Variants in UGGT2 observed in about 807,000 individuals in gnomAD.
The protein encoded by UGGT2 is UDP-glucose glycoprotein glucosyltransferase 2.
UGGT2 carries 180 observed loss-of-function variants against 192.1 expected under a neutral mutation model. That is an observed-to-expected ratio of 0.94 (90% confidence interval 0.83 to 1.06). The LOEUF (loss-of-function observed/expected upper bound fraction) is 1.06. Ranked by LOEUF, UGGT2 falls within the 50% of genes least tolerant of loss-of-function variation. UGGT2 has a pLI of 0.00. For synonymous variants in UGGT2, 580 were observed against 591.0 expected (o/e 0.98, Z 0.27); for missense variants, 1,849 against 1,795.7 (o/e 1.03, Z -0.54).
chr13:95,882,752 A>T (rs945723351), intron 27 of UGGT2, among the ~76,000 whole-genome samples: 1 of 152,234 alleles, frequency 6.6e-6, no homozygotes, highest in East Asian at 1.9e-4. Flanking sequence ...AGTTTTAGTT[A>T]ATCTCCATCA....
intron 1 of UGGT2, among the ~76,000 whole-genome samples, chr13:96,038,689 G>A (rs1457212084): frequency 1.3e-5 from 2 of 152,130 alleles, no homozygotes; most frequent in African/African-American, 4.8e-5. Context: ...TAATGCAAAA[G>A]ATTCTAAAAG....
intron 30 of UGGT2, among the ~76,000 whole-genome samples, chr13:95,865,190 C>T (rs1159577360): frequency 1.3e-5 from 2 of 152,152 alleles, no homozygotes; most frequent in African/African-American, 2.4e-5. Flanking sequence ...ACTTTCCCTC[C>T]TCCATCTTCT....
chr13:95,918,086 T>C (rs1220726827), intron 20 of UGGT2, among the ~76,000 whole-genome samples: 1 of 152,240 alleles, frequency 6.6e-6, no homozygotes, highest in Non-Finnish European at 1.5e-5. Flanking sequence ...AGAATATACA[T>C]TCTTCTCATT....
intron 17 of UGGT2, among the ~76,000 whole-genome samples, chr13:95,927,861 A>G (rs2049081185): frequency 6.6e-6 from 1 of 152,092 alleles, no homozygotes; most frequent in Non-Finnish European, 1.5e-5. Flanking sequence ...GGGAGTGGTG[A>G]TGACTCTTAA....
At chr13:95,895,054 T>C in intron 23 of UGGT2, 126 bp downstream of exon 23, 1 of 965,540 alleles carries the variant, frequency 1.0e-6, no homozygotes, top group Non-Finnish European at 1.5e-6. Context: ...TTTGCTTATA[T>C]TCTTTATATA....
chr13:95,844,053 T>G (rs1340099228), intron 36 of UGGT2, among the ~76,000 whole-genome samples: 1 of 152,078 alleles, frequency 6.6e-6, no homozygotes, highest in Admixed American at 6.6e-5. Context: ...CTCCACCTCC[T>G]GGGTTCAAGT....
intron 20 of UGGT2, among the ~76,000 whole-genome samples, chr13:95,925,347 G>A (rs1234936705): frequency 6.6e-6 from 1 of 152,184 alleles, no homozygotes; most frequent in African/African-American, 2.4e-5. Context: ...ACTAGCTATT[G>A]TTGGTAAATA....
intron 32 of UGGT2, 59 bp from the exon 33 acceptor site, chr13:95,859,734 T>C (rs779768272): frequency 1.3e-5 from 16 of 1,261,518 alleles, no homozygotes; most frequent in Admixed American, 7.5e-5. Flanking sequence ...TCATATATAT[T>C]TTTTAACCTT....
chr13:96,047,765 T>C (rs1015153398), intron 1 of UGGT2, among the ~76,000 whole-genome samples: 5 of 152,218 alleles, frequency 3.3e-5, no homozygotes, highest in Non-Finnish European at 7.4e-5. Flanking sequence ...GTAAAGGGAT[T>C]AATTCAACAA....
intron 8 of UGGT2, chr13:95,989,446 A>T (rs1442547624): frequency 4.6e-6 from 1 of 217,980 alleles, no homozygotes; most frequent in Non-Finnish European, 1.0e-5. Context: ...AAAAGTACTT[A>T]AAAGTTCAAA....
intron 30 of UGGT2, among the ~76,000 whole-genome samples, chr13:95,865,403 G>C (rs1452533574): frequency 2.6e-5 from 4 of 152,184 alleles, no homozygotes; most frequent in Admixed American, 2.6e-4. Context: ...CCAGCACTCT[G>C]GGAGGCCAAG....
intron 5 of UGGT2, among the ~76,000 whole-genome samples, chr13:96,003,907 C>T (rs889332674): frequency 2.6e-5 from 4 of 152,130 alleles, no homozygotes; most frequent in African/African-American, 9.7e-5. Flanking sequence ...CAGACACAGA[C>T]ACAGCATCTA....
chr13:95,954,048 G>T (rs1369251114), intron 12 of UGGT2, among the ~76,000 whole-genome samples: 1 of 152,142 alleles, frequency 6.6e-6, no homozygotes. Flanking sequence ...AACTTTTTCA[G>T]TGCTCACATG....
intron 25 of UGGT2, among the ~76,000 whole-genome samples, chr13:95,889,202 TC>T (rs1466967571): frequency 6.6e-6 from 1 of 151,938 alleles, no homozygotes; most frequent in African/African-American, 2.4e-5. Flanking sequence ...CTAGCTCCAC[TC>T]CTTTCAGATA....
intron 7 of UGGT2, chr13:95,991,585 G>A: frequency 9.1e-6 from 2 of 219,040 alleles, no homozygotes; most frequent in Middle Eastern, 1.0e-3. Context: ...CTACAATGTG[G>A]GATCATGTTT....
intron 29 of UGGT2, among the ~76,000 whole-genome samples, chr13:95,869,029 T>A (rs1458750982): frequency 7.8e-6 from 1 of 128,344 alleles, no homozygotes. Context: ...ATGCTATCCC[T>A]CCCCCCTCCC....
Position 95,831,564 on chromosome 13 carries a change from C to T in UGGT2, c.4528+1363G>A, listed in dbSNP as rs151099955. Among the ~76,000 whole-genome samples the T allele has an allele frequency of 4.6e-3, 697 of 152,036 alleles. 4 individuals are homozygous for T. Among genetic ancestry groups the T allele is most frequent in the African/African-American group, 0.016 (672 of 41,482 alleles). On this transcript the variant is annotated intron_variant, in intron 38 of 38. Coordinates refer to ENST00000376747, the MANE Select transcript of UGGT2 (RefSeq NM_020121.4). ...TTCTATTTCATTGTTAAAAATAATG[C>T]TATAATAAACACCAATATAGACATC...
Position 95,888,079 on chromosome 13 carries a change from C to T in UGGT2, c.2959-108G>A, listed in dbSNP as rs537264525. ...TATATTAAAACTTTATGTTCATTAT[C>T]TCACTTGATCCTTACAACGCCCTGC... On this transcript the variant is annotated intron_variant, in intron 25 of 38. Coordinates refer to ENST00000376747, the MANE Select transcript of UGGT2 (RefSeq NM_020121.4). 4.3e-6 allele frequency: 3 copies of T among 694,736 alleles called. No individual in the cohort carries two copies. In the South Asian group the frequency reaches 8.4e-5, roughly 19 times the overall value. 43.0% of individuals were successfully genotyped at this position (694,736 alleles called of 1,614,324 possible).
At chr13:95,866,449 A>T (rs1404465933) in intron 30 of UGGT2, among the ~76,000 whole-genome samples, 3 of 152,084 alleles carry the variant, frequency 2.0e-5, no homozygotes, top group African/African-American at 7.2e-5. Context: ...GGCTATTGTA[A>T]TCTTATTCCA....
Sources: allele counts gnomAD v4.1 joint callset (sites outside exome capture counted in the v4.1 genomes callset), GRCh38; gene constraint gnomAD v4.1.1; transcripts MANE v1.5; gene names NCBI Gene and HGNC (gene_info 2026-07-23, HGNC 2026-07-21).